The following CCNK variants were observed in gnomAD, a reference collection of about 807,000 sequenced individuals.
The protein encoded by CCNK is cyclin-K.
A neutral mutation model predicts 65.0 loss-of-function variants in CCNK; 9 were observed. That is an observed-to-expected ratio of 0.14 (90% CI 0.08 to 0.24). The LOEUF (loss-of-function observed/expected upper bound fraction) is 0.24, where lower values mean the gene tolerates loss of function less well. CCNK is among the 10% of genes least tolerant of loss of function. The pLI, the probability that CCNK is intolerant of heterozygous loss-of-function variation, is 1.00. For missense variants in CCNK, 474 were observed against 720.0 expected, an observed-to-expected ratio of 0.66 and a Z score of 3.91; for synonymous variants, 279 against 270.8, an observed-to-expected ratio of 1.03 and a Z score of -0.30.
rs376026947 is a variant in CCNK at position 99,502,851 on chromosome 14, C to T, written c.878C>T (p.Pro293Leu). The change falls in exon 8 of 11, where the codon CCG becomes CTG. Residue 293 changes from proline (P) to leucine (L), a missense_variant. Pro to Leu is a moderately conservative substitution (Grantham distance 98). This residue lies in a region of CCNK where 229 missense variants were observed against 275.5 expected (regional missense o/e 0.83). Coordinates refer to ENST00000389879, the MANE Select transcript of CCNK (RefSeq NM_001099402.2). ...PQVPQVQQSQPSQSSEPSQPQ... is the reference protein window; with the variant it reads ...PQVPQVQQSQLSQSSEPSQPQ... ...GTGCCGCAAGTACAGCAGTCACAGC[C>T]GTCTCAAAGCTCCGAACCATCCCAG... is the stretch of plus-strand genomic sequence containing the variant. 27 of 1,613,206 alleles carry T rather than the reference C, an allele frequency of 1.7e-5. No homozygotes were observed. The highest frequency in any genetic ancestry group is 5.0e-5 in the Admixed American group (3 of 59,938).
chr14:99,509,693 A>G (rs1473307987), intron 10 of CCNK: 2 of 179,950 alleles, frequency 1.1e-5, no homozygotes, highest in African/African-American at 2.4e-5. Context: ...AGACTTGTAC[A>G]GAATTGTTTT....
At chr14:99,504,161 A>G in intron 9 of CCNK, 1 of 266,776 alleles carries the variant, frequency 3.7e-6, no homozygotes. Context: ...TTGGAAATAA[A>G]CAGAAGGAGT....
intron 6 of CCNK, chr14:99,501,779 C>G (rs1245472496): frequency 4.1e-6 from 1 of 242,618 alleles, no homozygotes; most frequent in Non-Finnish European, 7.9e-6. Flanking sequence ...GGCCAGGGAT[C>G]TAATGAGGGG....
intron 8 of CCNK, chr14:99,503,397 C>T: frequency 3.3e-6 from 2 of 604,050 alleles, no homozygotes; most frequent in South Asian, 4.0e-5. Context: ...GCTAGTCATT[C>T]TGTCTTATTT....
intron 3 of CCNK, chr14:99,493,838 C>G: frequency 3.0e-6 from 1 of 330,628 alleles, no homozygotes; most frequent in East Asian, 4.9e-5. Context: ...AAAGTTTACT[C>G]CCGTGGTACC....
intron 1 of CCNK, among the ~76,000 whole-genome samples, chr14:99,484,454 A>G (rs957713192): frequency 1.3e-5 from 2 of 152,268 alleles, no homozygotes; most frequent in Non-Finnish European, 2.9e-5. Flanking sequence ...ATGATGAGAA[A>G]AATGGTTAGA....
At chr14:99,491,371 T>C (rs558857532) in intron 1 of CCNK, among the ~76,000 whole-genome samples, 1 of 152,318 alleles carries the variant, frequency 6.6e-6, no homozygotes, top group Admixed American at 6.5e-5. Context: ...TAAGATCACC[T>C]GCTTCTCTAT....
rs117164425 is a variant in CCNK at position 99,498,766 on chromosome 14, C to T, written c.412-2000C>T. On this transcript the variant is annotated intron_variant, in intron 4 of 10. Coordinates refer to ENST00000389879, the MANE Select transcript of CCNK (RefSeq NM_001099402.2). ...CATTTAAGGTGCTGTGATAGCATTC[C>T]ACCCAGGGACCCAGGCAAGTCCCCC... Among the ~76,000 whole-genome samples, 161 of 152,188 alleles carry T rather than the reference C, an allele frequency of 1.1e-3. 1 individual carries two copies. In the East Asian group the frequency reaches 0.027, roughly 26 times the overall value.
intron 1 of CCNK, among the ~76,000 whole-genome samples, chr14:99,486,039 A>T (rs1896476644): frequency 6.6e-6 from 1 of 152,232 alleles, no homozygotes; most frequent in African/African-American, 2.4e-5. Flanking sequence ...TAAACTGTAC[A>T]AATCAGTCGT....
intron 9 of CCNK, chr14:99,504,038 G>A: frequency 2.7e-6 from 1 of 372,774 alleles, no homozygotes. Flanking sequence ...GTGCTGCCCG[G>A]ACAGCACCAG....
chr14:99,489,770 G>T (rs1896562180), intron 1 of CCNK, among the ~76,000 whole-genome samples: 1 of 152,156 alleles, frequency 6.6e-6, no homozygotes, highest in African/African-American at 2.4e-5. Flanking sequence ...AAAGTACTCT[G>T]CAGGGAGTCA....
In CCNK at chr14:99,510,307, C is replaced by G. The variant is rs781478973; in HGVS notation, c.1268C>G (p.Pro423Arg). 1.3e-6 allele frequency: 2 copies of G among 1,550,188 alleles called. No individual in the cohort carries two copies. The highest frequency in any genetic ancestry group is 2.3e-5 in the South Asian group (2 of 87,446). Residue 423 changes from proline (P) to arginine (R), a missense_variant, in exon 11 of 11, where the codon CCA becomes CGA. Around this residue, in one of 6 missense-constraint regions of CCNK, gnomAD observed 229 missense variants for 275.5 expected, o/e 0.83. Coordinates refer to ENST00000389879, the MANE Select transcript of CCNK (RefSeq NM_001099402.2). ...CCGCTGCCACACCGGCCCCCGCCCC[C>G]ACCCCCCTCCAGCTACATGACCGGG... is the stretch of plus-strand genomic sequence containing the variant. The part of the protein sequence containing the change: ...PPPLPHRPPP[P>R]PPSSYMTGMS...
chr14:99,499,204 A>G (rs1469219756), intron 4 of CCNK, among the ~76,000 whole-genome samples: 1 of 151,964 alleles, frequency 6.6e-6, no homozygotes, highest in Non-Finnish European at 1.5e-5. Context: ...TGATTGGCTA[A>G]TTTTTATATT....
At chr14:99,483,281 G>A (rs1300980722) in intron 1 of CCNK, among the ~76,000 whole-genome samples, 1 of 152,104 alleles carries the variant, frequency 6.6e-6, no homozygotes, top group Non-Finnish European at 1.5e-5. Flanking sequence ...AGAGGTGGTG[G>A]CTCACGCTTA....
At chr14:99,503,158 G>A in intron 8 of CCNK, 174 bp downstream of exon 8, 1 of 775,176 alleles carries the variant, frequency 1.3e-6, no homozygotes, top group Non-Finnish European at 2.2e-6. Flanking sequence ...GGTGCTCCAA[G>A]GACAGGCTGC....
At position 99,492,774 on chromosome 14, in the gene CCNK, C is replaced by T; in HGVS notation, c.97C>T (p.His33Tyr). 1 of 1,613,586 alleles carries T rather than the reference C, an allele frequency of 6.2e-7. No individual in the cohort carries two copies. The highest frequency in any genetic ancestry group is 8.5e-7 in the Non-Finnish European group (1 of 1,179,780). Residue 33 changes from histidine (H) to tyrosine (Y), a missense_variant, in exon 2 of 11, where the codon CAT becomes TAT. Coordinates refer to ENST00000389879, the MANE Select transcript of CCNK (RefSeq NM_001099402.2). ...CWYWDKKDLAHTPSQLEGLDP... is the reference protein window; with the variant it reads ...CWYWDKKDLAYTPSQLEGLDP... ...GTACTGGGATAAGAAAGACTTGGCT[C>T]ATACACCCTCACAACTTGAAGGACT...
At chr14:99,495,152 T>C (rs1896674292) in intron 3 of CCNK, 1 of 192,124 alleles carries the variant, frequency 5.2e-6, no homozygotes, top group Admixed American at 5.9e-5. Flanking sequence ...TTAGTTGTGC[T>C]CTTTCTTTTT....
Position 99,510,943 on chromosome 14 carries a change from C to T in CCNK, c.*161C>T. On this transcript the variant is annotated 3_prime_UTR_variant, in exon 11 of 11. Coordinates refer to ENST00000389879, the MANE Select transcript of CCNK (RefSeq NM_001099402.2). ...TGGGATAAAATCAGAGTGGTCCTCA[C>T]ACCTAGAGGACGGGGACAACCAGCT... 1 of 552,986 alleles carries T rather than the reference C, an allele frequency of 1.8e-6. No homozygotes were observed. Among genetic ancestry groups the T allele is most frequent in the Non-Finnish European group, 2.8e-6 (1 of 358,996 alleles). 34.3% of individuals were successfully genotyped at this position (552,986 alleles called of 1,614,324 possible).
intron 9 of CCNK, chr14:99,504,896 G>A (rs973055230): frequency 4.6e-5 from 7 of 152,304 alleles, no homozygotes; most frequent in African/African-American, 1.7e-4. Flanking sequence ...TGACCTTGAA[G>A]GAAGAGTTGC....
Sources: allele counts gnomAD v4.1 joint callset (sites outside exome capture counted in the v4.1 genomes callset), GRCh38; gene constraint gnomAD v4.1.1; regional missense constraint gnomAD v4.1.1; transcripts MANE v1.5; gene names NCBI Gene and HGNC (gene_info 2026-07-23, HGNC 2026-07-21).